Variants in POLR3B observed in about 807,000 individuals in gnomAD.
POLR3B encodes the protein RNA polymerase III subunit B, also known as DNA-directed RNA polymerase III subunit RPC2.
In POLR3B, 96 loss-of-function variants were observed where a neutral mutation model predicts 147.4. The ratio of observed to expected loss-of-function variants is 0.65; its 90% CI spans 0.55 to 0.77. The LOEUF is 0.77. Ranked by LOEUF, POLR3B falls within the 30% of genes least tolerant of loss-of-function variation. POLR3B has a pLI of 0.00. For missense variants in POLR3B, 1,036 were observed against 1,413.5 expected, an observed-to-expected ratio of 0.73 and a Z score of 4.28; for synonymous variants, 461 against 485.9, an observed-to-expected ratio of 0.95 and a Z score of 0.67.
rs74725753 is a variant in POLR3B at position 106,363,410 on chromosome 12, T to C, written c.73-460T>C. 6.8e-3 allele frequency among the ~76,000 whole-genome samples: 1,038 copies of C among 152,274 alleles called. 18 individuals carry two copies. The highest frequency in any genetic ancestry group is 0.024 in the African/African-American group (998 of 41,548). Reference sequence around the variant, plus strand: ...TCTATCCCTCTAGTTGCTCAGGCAATGTAGGAAGCAATCACCATATGTGTC... The same window carrying C: ...TCTATCCCTCTAGTTGCTCAGGCAACGTAGGAAGCAATCACCATATGTGTC... On this transcript the variant is annotated intron_variant, in intron 1 of 27. Coordinates refer to ENST00000228347, the MANE Select transcript of POLR3B (RefSeq NM_018082.6).
chr12:106,369,515 A>G, intron 5 of POLR3B, 68 bp from the exon 6 acceptor site: 1 of 1,087,276 alleles, frequency 9.2e-7, no homozygotes, highest in Non-Finnish European at 1.4e-6. Context: ...CAGAAGGAGC[A>G]CTTTGAAGTG....
In POLR3B at chr12:106,357,816, T is replaced by A. The variant is rs1275178327; in HGVS notation, c.-64T>A. 8.6e-6 allele frequency: 13 copies of A among 1,511,398 alleles called. No homozygotes were observed. The highest frequency in any genetic ancestry group is 1.9e-5 in the Admixed American group (1 of 53,956). 93.6% of individuals were successfully genotyped at this position (1,511,398 alleles called of 1,614,324 possible). A position where few individuals can be genotyped will look rare whatever the true frequency, so the allele number is the denominator to read the frequency against. Reference sequence around the variant, plus strand: ...GCACCGTTCGCCGGGAGTCTTGCAGTTTGCTTGGTGCAGGGAAGGCGGGCG... The same window carrying A: ...GCACCGTTCGCCGGGAGTCTTGCAGATTGCTTGGTGCAGGGAAGGCGGGCG... On this transcript the variant is annotated 5_prime_UTR_variant, in exon 1 of 28. Coordinates refer to ENST00000228347, the MANE Select transcript of POLR3B (RefSeq NM_018082.6).
At chr12:106,361,343 C>T (rs563978200) in intron 1 of POLR3B, among the ~76,000 whole-genome samples, 2 of 152,284 alleles carry the variant, frequency 1.3e-5, no homozygotes, top group Non-Finnish European at 2.9e-5. Context: ...AAAGTTAGGA[C>T]TCCCGGGTAT....
chr12:106,496,697 G>A, intron 24 of POLR3B, 55 bp from the exon 25 acceptor site: 2 of 1,469,748 alleles, frequency 1.4e-6, no homozygotes, highest in South Asian at 1.1e-5. Context: ...TAAATAAGCA[G>A]AGAGAGTGCT....
chr12:106,380,109 A>G lies in POLR3B; in HGVS notation c.693A>G (p.Ser231=), dbSNP rs571717073. ...TTTATTTGAGGCATAATACTTTGTC[A>G]GAAGATATACCCATTGTCATCATAT... is the stretch of plus-strand genomic sequence containing the variant. ...GRFYLRHNTL[S]EDIPIVIIFK... Residue 231 remains serine (S), a synonymous_variant, in exon 9 of 28, where the codon TCA becomes TCG. Coordinates refer to ENST00000228347, the MANE Select transcript of POLR3B (RefSeq NM_018082.6). 1.2e-6 allele frequency: 2 copies of G among 1,604,522 alleles called. No homozygotes were observed. Among genetic ancestry groups the G allele is most frequent in the Non-Finnish European group, 1.7e-6 (2 of 1,171,408 alleles).
At chr12:106,379,920 AT>A in intron 8 of POLR3B, 110 bp from the exon 9 acceptor site, 1 of 718,210 alleles carries the variant, frequency 1.4e-6, no homozygotes, top group Non-Finnish European at 2.5e-6. Flanking sequence ...GGACCTTGTG[AT>A]TGTTGTTGAT....
In POLR3B at chr12:106,496,051, C is replaced by G; in HGVS notation, c.2714-4C>G. 1 of 1,575,514 alleles carries G rather than the reference C, an allele frequency of 6.3e-7. No individual in the cohort carries two copies. Among genetic ancestry groups the G allele is most frequent in the Non-Finnish European group, 8.7e-7 (1 of 1,144,958 alleles). On this transcript the variant is annotated splice_polypyrimidine_tract_variant and splice_region_variant and intron_variant, in intron 23 of 27. Transcript: ENST00000228347. ...TATGTGGCATGAAATCTTCTCTCCC[C>G]CAGGTGTTTGTGGCTTGATCGTCCC...
intron 12 of POLR3B, among the ~76,000 whole-genome samples, chr12:106,411,293 C>T (rs1000433974): frequency 1.3e-5 from 2 of 152,092 alleles, no homozygotes; most frequent in African/African-American, 2.4e-5. Context: ...CATGTGCCAC[C>T]GTGCCCGGCT....
At position 106,423,254 on chromosome 12, in the gene POLR3B, A is replaced by T. The variant is rs2037395069; in HGVS notation, c.1102-3943A>T. Reference sequence around the variant, plus strand: ...TGTTTAAACAAATTGTCGCCATCAAATCATTTCATTATCTCAGATGTCAAA... The same window carrying T: ...TGTTTAAACAAATTGTCGCCATCAATTCATTTCATTATCTCAGATGTCAAA... On this transcript the variant is annotated intron_variant, in intron 12 of 27. Transcript: ENST00000228347. 2.6e-5 allele frequency among the ~76,000 whole-genome samples: 4 copies of T among 152,210 alleles called. No individual in the cohort carries two copies. In the South Asian group the frequency reaches 8.3e-4, roughly 31 times the overall value.
intron 9 of POLR3B, among the ~76,000 whole-genome samples, chr12:106,390,987 C>A (rs1344976570): frequency 6.6e-6 from 1 of 152,286 alleles, no homozygotes; most frequent in East Asian, 1.9e-4. Flanking sequence ...CTGTAGAGCA[C>A]TATGATTGCA....
intron 1 of POLR3B, among the ~76,000 whole-genome samples, chr12:106,358,640 G>A (rs978545803): frequency 3.3e-5 from 5 of 152,222 alleles, no homozygotes; most frequent in Non-Finnish European, 7.3e-5. Flanking sequence ...GAATAGGGAA[G>A]TGGAGACGTG....
intron 12 of POLR3B, among the ~76,000 whole-genome samples, chr12:106,419,794 C>CTTTTTTTTTTTTTT (rs56756383): frequency 1.1e-5 from 1 of 88,942 alleles, no homozygotes; most frequent in Non-Finnish European, 2.0e-5. Context: ...TTTAGTTTTG[C>CTTTTTTTTTTTTTT]TTTTTTTTTT....
At position 106,455,146 on chromosome 12, in the gene POLR3B, T is replaced by A. The variant is rs1184632047; in HGVS notation, c.2293+435T>A. 2.0e-5 allele frequency among the ~76,000 whole-genome samples: 3 copies of A among 152,322 alleles called. No individual in the cohort carries two copies. In the East Asian group the frequency reaches 5.8e-4, roughly 29 times the overall value. On this transcript the variant is annotated intron_variant, in intron 20 of 27. Transcript: ENST00000228347. Reference sequence around the variant, plus strand: ...TTATTTGTGTAACCTCATAATTTGGTAACTTCTTTGGCCAAGTGACGAAAG... The same window carrying A: ...TTATTTGTGTAACCTCATAATTTGGAAACTTCTTTGGCCAAGTGACGAAAG...
At chr12:106,447,318 A>G (rs1255318534) in intron 19 of POLR3B, among the ~76,000 whole-genome samples, 1 of 152,152 alleles carries the variant, frequency 6.6e-6, no homozygotes, top group African/African-American at 2.4e-5. Flanking sequence ...GAAGGAGACC[A>G]AGGCCAGCAC....
intron 19 of POLR3B, among the ~76,000 whole-genome samples, chr12:106,448,728 CTG>C (rs2137021779): frequency 6.6e-6 from 1 of 152,044 alleles, no homozygotes; most frequent in African/African-American, 2.4e-5. Context: ...GTGTGAGCCA[CTG>C]CACCCAGCCC....
At chr12:106,375,232 CCT>C in intron 6 of POLR3B, among the ~76,000 whole-genome samples, 1 of 152,226 alleles carries the variant, frequency 6.6e-6, no homozygotes, top group East Asian at 1.9e-4. Flanking sequence ...TTTTTGGTAG[CCT>C]CTCTTTTTTT....
chr12:106,402,946 A>G (rs1393288131), intron 10 of POLR3B, among the ~76,000 whole-genome samples: 1 of 152,220 alleles, frequency 6.6e-6, no homozygotes, highest in African/African-American at 2.4e-5. Context: ...AACAACAGCC[A>G]AAATTGACAA....
At chr12:106,405,263 T>C (rs1413976759) in intron 10 of POLR3B, among the ~76,000 whole-genome samples, 1 of 152,176 alleles carries the variant, frequency 6.6e-6, no homozygotes, top group Non-Finnish European at 1.5e-5. Flanking sequence ...TTTTTGCTTT[T>C]TAAGCCTGCT....
chr12:106,398,507 T>G (rs2037014474), intron 10 of POLR3B, among the ~76,000 whole-genome samples: 1 of 152,292 alleles, frequency 6.6e-6, no homozygotes, highest in Admixed American at 6.5e-5. Context: ...GCATGCAGCT[T>G]GAGATCTGAG....
Sources: gnomAD v4.1 joint callset for allele counts (sites outside exome capture counted in the v4.1 genomes callset) on GRCh38, gnomAD v4.1.1 for gene constraint, MANE v1.5 for transcripts, NCBI Gene and HGNC (gene_info 2026-07-23, HGNC 2026-07-21) for gene names.